SHISA5: variants seen among roughly 807,000 people sequenced by gnomAD.
SHISA5 encodes the protein protein shisa-5.
SHISA5 carries 21 observed loss-of-function variants against 27.5 expected under a neutral mutation model. The ratio of observed to expected loss-of-function variants is 0.76; its 90% CI spans 0.54 to 1.10. The LOEUF (loss-of-function observed/expected upper bound fraction) is 1.10. SHISA5 is among the 50% of genes least tolerant of loss of function. The probability of loss-of-function intolerance (pLI) is 0.00; values close to 1 mark genes in which losing one functional copy is unlikely to be tolerated. For synonymous variants in SHISA5, 137 were observed against 142.2 expected, an observed-to-expected ratio of 0.96 and a Z score of 0.26; for missense variants, 314 against 336.3, an observed-to-expected ratio of 0.93 and a Z score of 0.52.
At chr3:48,478,539 A>C (rs376344771) in intron 3 of SHISA5, among the ~76,000 whole-genome samples, 2 of 152,068 alleles carry the variant, frequency 1.3e-5, no homozygotes, top group East Asian at 1.9e-4. Context: ...TTCCACCTCC[A>C]GGAAGATGTC....
chr3:48,504,110 C>T lies in SHISA5; in HGVS notation c.-16G>A, dbSNP rs377171989. 627 of 1,256,922 alleles carry T rather than the reference C, an allele frequency of 5.0e-4. 1 individual carries two copies. The highest frequency in any genetic ancestry group is 5.5e-4 in the Non-Finnish European group (535 of 977,698). 77.9% of individuals were successfully genotyped at this position (1,256,922 alleles called of 1,614,324 possible). A position where few individuals can be genotyped will look rare whatever the true frequency, so the allele number is the denominator to read the frequency against. On this transcript the variant is annotated 5_prime_UTR_variant, in exon 1 of 6. Coordinates refer to ENST00000296444, the MANE Select transcript of SHISA5 (RefSeq NM_016479.6). This position sits in a 1 kb window ranked among gnomAD's most constrained non-coding sequence, Gnocchi z 4.0. ...GCGCAGTCATGGCTGGGCGGGCGGA[C>T]GGGCGGACGGACGCGAGCGCCGGGC...
At position 48,468,520 on chromosome 3, in the gene SHISA5, G is replaced by A; in HGVS notation, c.*587C>T. 8.4e-7 allele frequency: 1 copy of A among 1,185,124 alleles called. No homozygotes were observed. Among genetic ancestry groups the A allele is most frequent in the South Asian group, 1.6e-5 (1 of 61,972 alleles). 73.4% of individuals were successfully genotyped at this position (1,185,124 alleles called of 1,614,324 possible). ...TGCCTGATCCCCAACAGGCATGACA[G>A]GCTCCAGGGAGCAATGGGACATCTG... On this transcript the variant is annotated 3_prime_UTR_variant, in exon 6 of 6. Coordinates refer to ENST00000296444, the MANE Select transcript of SHISA5 (RefSeq NM_016479.6).
Position 48,468,081 on chromosome 3 carries a change from A to C in SHISA5, c.*1026T>G. 6.7e-5 allele frequency: 62 copies of C among 929,664 alleles called. No homozygotes were observed. The highest frequency in any genetic ancestry group is 5.4e-4 in the Middle Eastern group (1 of 1,864). 57.6% of individuals were successfully genotyped at this position (929,664 alleles called of 1,614,324 possible). On this transcript the variant is annotated 3_prime_UTR_variant, in exon 6 of 6. Transcript: ENST00000296444. Reference sequence around the variant, plus strand: ...TTGGCCCAGGTGTCCCTGCTGCCAGAACACCGTGGACTGGGGTACAGGAGT... The same window carrying C: ...TTGGCCCAGGTGTCCCTGCTGCCAGCACACCGTGGACTGGGGTACAGGAGT...
At chr3:48,498,829 C>T (rs1423078904) in intron 2 of SHISA5, among the ~76,000 whole-genome samples, 1 of 151,398 alleles carries the variant, frequency 6.6e-6, no homozygotes, top group Non-Finnish European at 1.5e-5. Flanking sequence ...CGCCTGTAAT[C>T]CCAGCACTTT....
rs576065915 is a variant in SHISA5, at chr3:48,473,984, C to T, written c.315-4141G>A. Among the ~76,000 whole-genome samples, 6 of 139,134 alleles carry T rather than the reference C, an allele frequency of 4.3e-5. No individual in the cohort carries two copies. In the East Asian group the frequency reaches 1.2e-3, roughly 29 times the overall value. The allele number at this position is 139,134 out of a possible 152,430, so 91.3% of individuals were successfully genotyped here. On this transcript the variant is annotated intron_variant, in intron 3 of 5. Transcript: ENST00000296444. The surrounding 1 kb of genome is among the most constrained non-coding windows in gnomAD (Gnocchi z 4.3). ...AGGAGGCTTTCTCCAGCCTGGGAGA[C>T]TGAGTGAGAATCTGTCTCAAAAAAA...
At position 48,473,046 on chromosome 3, in the gene SHISA5, G is replaced by A; in HGVS notation, c.315-3203C>T. 6.5e-7 allele frequency: 1 copy of A among 1,534,704 alleles called. No individual in the cohort carries two copies. Among genetic ancestry groups the A allele is most frequent in the South Asian group, 1.2e-5 (1 of 83,956 alleles). ...CTCTGCCTTCACCCAGAGGCCTCCT[G>A]TACCCCTGGGCTTTCCCCTCTTCCC... On this transcript the variant is annotated intron_variant, in intron 3 of 5. Coordinates refer to ENST00000296444, the MANE Select transcript of SHISA5 (RefSeq NM_016479.6). The surrounding 1 kb of genome is among the most constrained non-coding windows in gnomAD (Gnocchi z 4.3).
Position 48,470,039 on chromosome 3 carries a change from G to A in SHISA5, c.315-196C>T. ...GGGGTATATGTGAGTCCCTGTAACT[G>A]TCTCTCCCTGGGTCTCCCCCGCTTG... is the stretch of plus-strand genomic sequence containing the variant. On this transcript the variant is annotated intron_variant, in intron 3 of 5. Coordinates refer to ENST00000296444, the MANE Select transcript of SHISA5 (RefSeq NM_016479.6). This position sits in a 1 kb window ranked among gnomAD's most constrained non-coding sequence, Gnocchi z 4.3. The A allele has an allele frequency of 1.5e-6, 1 of 677,574 alleles. No homozygotes were observed. The highest frequency in any genetic ancestry group is 2.5e-6 in the Non-Finnish European group (1 of 407,312). The allele number at this position is 677,574 out of a possible 1,614,324, so 42.0% of individuals were successfully genotyped here.
chr3:48,492,703 C>T (rs887257230), intron 2 of SHISA5, among the ~76,000 whole-genome samples: 1 of 147,800 alleles, frequency 6.8e-6, no homozygotes, highest in Non-Finnish European at 1.5e-5. Flanking sequence ...GACTTCTTAA[C>T]CTCAGATCCT....
chr3:48,486,330 ATAT>A (rs2041228125), intron 2 of SHISA5, among the ~76,000 whole-genome samples: 2 of 38,934 alleles, frequency 5.1e-5, no homozygotes, highest in Non-Finnish European at 8.9e-5. Flanking sequence ...ACATTATGTT[ATAT>A]AATATATAAT....
chr3:48,488,886 A>G (rs2041334903), intron 2 of SHISA5, among the ~76,000 whole-genome samples: 1 of 152,092 alleles, frequency 6.6e-6, no homozygotes, highest in Non-Finnish European at 1.5e-5. Flanking sequence ...AAGCAAAAAA[A>G]GAACTAGAAT....
intron 2 of SHISA5, among the ~76,000 whole-genome samples, chr3:48,499,386 A>G (rs2107384715): frequency 6.6e-6 from 1 of 152,074 alleles, no homozygotes; most frequent in Middle Eastern, 3.4e-3. Flanking sequence ...TGCTTTTAAA[A>G]AAAGAAATAC....
chr3:48,473,439 C>T lies in SHISA5; in HGVS notation c.315-3596G>A. The T allele has an allele frequency of 7.7e-7, 1 of 1,299,306 alleles. No individual in the cohort carries two copies. The highest frequency in any genetic ancestry group is 1.0e-6 in the Non-Finnish European group (1 of 995,504). The allele number at this position is 1,299,306 out of a possible 1,614,324, so 80.5% of individuals were successfully genotyped here. On this transcript the variant is annotated intron_variant, in intron 3 of 5. Coordinates refer to ENST00000296444, the MANE Select transcript of SHISA5 (RefSeq NM_016479.6). This position sits in a 1 kb window ranked among gnomAD's most constrained non-coding sequence, Gnocchi z 4.3. ...CCCACTTCCACCTAACCCACCGGCCCTGTTCCACCAGCCTCCAGGAGGAGC... is the reference window on the plus strand; with the variant it reads ...CCCACTTCCACCTAACCCACCGGCCTTGTTCCACCAGCCTCCAGGAGGAGC...
chr3:48,504,057 G>T lies in SHISA5; in HGVS notation c.38C>A (p.Pro13Gln). 1.4e-6 allele frequency: 2 copies of T among 1,444,438 alleles called. No individual in the cohort carries two copies. Among genetic ancestry groups the T allele is most frequent in the Non-Finnish European group, 1.8e-6 (2 of 1,094,042 alleles). 89.5% of individuals were successfully genotyped at this position (1,444,438 alleles called of 1,614,324 possible). A position where few individuals can be genotyped will look rare whatever the true frequency, so the allele number is the denominator to read the frequency against. ...CGTTAGCAGCAGCAGCAACAGCAAC[G>T]GCAACAGGATCCGCGGCGCGGGGAC... ...APVPAPRILL[P>Q]LLLLLLLTPP... is the part of the protein sequence containing the mutation. Residue 13 changes from proline (P) to glutamine (Q), a missense_variant, in exon 1 of 6, where the codon CCG becomes CAG. Pro to Gln is a moderately conservative substitution (Grantham distance 76). Coordinates refer to ENST00000296444, the MANE Select transcript of SHISA5 (RefSeq NM_016479.6). The surrounding 1 kb of genome is among the most constrained non-coding windows in gnomAD (Gnocchi z 4.0).
intron 2 of SHISA5, among the ~76,000 whole-genome samples, chr3:48,484,574 G>C (rs954492133): frequency 2.0e-5 from 3 of 149,904 alleles, no homozygotes; most frequent in South Asian, 4.3e-4. Context: ...CTGGGCGACA[G>C]AGCGAGACAC....
In SHISA5 at chr3:48,468,420, G is replaced by A. The variant is rs534704766; in HGVS notation, c.*687C>T. 21 of 1,115,380 alleles carry A rather than the reference G, an allele frequency of 1.9e-5. No homozygotes were observed. Among genetic ancestry groups the A allele is most frequent in the South Asian group, 1.8e-4 (8 of 45,204 alleles). The allele number at this position is 1,115,380 out of a possible 1,614,324, so 69.1% of individuals were successfully genotyped here. On this transcript the variant is annotated 3_prime_UTR_variant, in exon 6 of 6. Transcript: ENST00000296444. ...CTCCAGCTGGTCCCAGGGGAGATGC[G>A]GGGACAGGGGACAGTCCAGGCAGAC... is the stretch of plus-strand genomic sequence containing the variant.
rs1381454387 is a variant in SHISA5, at chr3:48,469,554, TGTG to T, written c.447_449del (p.Thr150del). On this transcript the variant is annotated inframe_deletion, in exon 5 of 6. Transcript: ENST00000296444. This position sits in a 1 kb window ranked among gnomAD's most constrained non-coding sequence, Gnocchi z 4.6. ...AAGGGGCATGCACCACAGTGGTGGA[TGTG>T]GTGGTGGTGACAACCGCTGCAAAGA... 1.9e-6 allele frequency: 3 copies of T among 1,609,674 alleles called. No homozygotes were observed. The highest frequency in any genetic ancestry group is 1.7e-5 in the Admixed American group (1 of 59,776).
At position 48,479,188 on chromosome 3, in the gene SHISA5, G is replaced by T; in HGVS notation, c.303C>A (p.Asp101Glu). ...SALRFRPGYN[D>E]PMSGFGATLA... Reference sequence around the variant, plus strand: ...CAGGCTTTACTTACCCTGACATGGGGTCGTTGTAGCCAGGGCGAAACCTCA... The same window carrying T: ...CAGGCTTTACTTACCCTGACATGGGTTCGTTGTAGCCAGGGCGAAACCTCA... Residue 101 changes from aspartate to glutamate, a missense_variant, in exon 3 of 6, where the codon GAC (aspartate) becomes GAA (glutamate). Physicochemically the swap from Asp to Glu is conservative, Grantham distance 45 (BLOSUM62 2). Transcript: ENST00000296444. 7.5e-6 allele frequency: 12 copies of T among 1,609,592 alleles called. No individual in the cohort carries two copies. The highest frequency in any genetic ancestry group is 1.0e-5 in the Non-Finnish European group (12 of 1,178,588).
chr3:48,475,430 A>G (rs916947554), intron 3 of SHISA5, among the ~76,000 whole-genome samples: 20 of 152,140 alleles, frequency 1.3e-4, no homozygotes, highest in African/African-American at 4.3e-4. Context: ...GGGTCTGGGG[A>G]GAACTCGGCG....
In SHISA5 at chr3:48,478,793, C is replaced by G. The variant is rs113221696; in HGVS notation, c.314+384G>C. The stretch of plus-strand genomic sequence containing the variant: ...ACCCCATCACCATCACCATTGTCAC[C>G]AATGCCCAATCACAATATACCCGCC... On this transcript the variant is annotated intron_variant, in intron 3 of 5. Coordinates refer to ENST00000296444, the MANE Select transcript of SHISA5 (RefSeq NM_016479.6). Among the ~76,000 whole-genome samples, 545 of 152,226 alleles carry G rather than the reference C, an allele frequency of 3.6e-3. 3 individuals carry two copies. Among genetic ancestry groups the G allele is most frequent in the African/African-American group, 0.013 (525 of 41,522 alleles).
Sources: allele counts gnomAD v4.1 joint callset (sites outside exome capture counted in the v4.1 genomes callset), GRCh38; gene constraint gnomAD v4.1.1; non-coding constraint Gnocchi (gnomAD v3.1); transcripts MANE v1.5; gene names NCBI Gene and HGNC (gene_info 2026-07-23, HGNC 2026-07-21).